The following CTNNA3 variants were observed in gnomAD, a reference collection of about 807,000 sequenced individuals.
CTNNA3 encodes catenin alpha 3.
In CTNNA3, 76 loss-of-function variants were observed where a neutral mutation model predicts 95.7. The observed-to-expected ratio is 0.79, with a 90% CI of 0.66 to 0.96. The LOEUF (loss-of-function observed/expected upper bound fraction) is 0.96, where lower values mean the gene tolerates loss of function less well. CTNNA3 is among the 40% of genes least tolerant of loss of function. The pLI is 0.00. For missense variants in CTNNA3, 1,191 were observed against 1,089.8 expected (o/e 1.09, Z -1.31); for synonymous variants, 431 against 374.4 (o/e 1.15, Z -1.74).
intron 5 of CTNNA3, among the ~76,000 whole-genome samples, chr10:67,315,922 G>T (rs776277799): frequency 6.6e-5 from 10 of 151,946 alleles, no homozygotes; most frequent in Non-Finnish European, 1.5e-4. Context: ...CTGTTCCTAT[G>T]ACCATCACTA....
At chr10:67,448,888 T>C (rs1180687214) in intron 5 of CTNNA3, among the ~76,000 whole-genome samples, 2 of 148,936 alleles carry the variant, frequency 1.3e-5, no homozygotes, top group East Asian at 3.9e-4. Context: ...TAATAATATT[T>C]ATATATCTAT....
chr10:65,941,559 C>T (rs2077430272), intron 17 of CTNNA3, among the ~76,000 whole-genome samples: 1 of 152,110 alleles, frequency 6.6e-6, no homozygotes, highest in Admixed American at 6.6e-5. Flanking sequence ...ATTCAGTTTG[C>T]TAGAAACAAT....
At chr10:67,070,046 C>T (rs1248319075) in intron 7 of CTNNA3, among the ~76,000 whole-genome samples, 1 of 152,188 alleles carries the variant, frequency 6.6e-6, no homozygotes, top group African/African-American at 2.4e-5. Flanking sequence ...TGCTCTACAT[C>T]GTTGACCAAC....
chr10:67,329,341 A>G (rs1182510773), intron 5 of CTNNA3, among the ~76,000 whole-genome samples: 1 of 152,240 alleles, frequency 6.6e-6, no homozygotes, highest in East Asian at 1.9e-4. Flanking sequence ...ACTGCACTTT[A>G]GCCTGGGTGA....
At chr10:66,018,766 G>T (rs2079143847) in intron 15 of CTNNA3, among the ~76,000 whole-genome samples, 2 of 151,976 alleles carry the variant, frequency 1.3e-5, no homozygotes, top group Admixed American at 6.6e-5. Flanking sequence ...AAACTTGCAA[G>T]ACTTTTTAGT....
chr10:66,033,135 C>CTTT (rs10665142), intron 15 of CTNNA3, among the ~76,000 whole-genome samples: 21,892 of 131,756 alleles, frequency 0.17, 2,242 homozygotes, highest in East Asian at 0.33. Context: ...TTCTTTTTTT[C>CTTT]TTTTTTTTTT....
At chr10:67,218,287 T>C (rs1864480749) in intron 6 of CTNNA3, among the ~76,000 whole-genome samples, 2 of 152,172 alleles carry the variant, frequency 1.3e-5, no homozygotes, top group African/African-American at 4.8e-5. Context: ...TATAATTTTT[T>C]CCAGCTTTAT....
chr10:67,179,623 G>T (rs1862414170), intron 7 of CTNNA3, among the ~76,000 whole-genome samples: 1 of 152,020 alleles, frequency 6.6e-6, no homozygotes, highest in Admixed American at 6.6e-5. Context: ...GAGCCCAGTA[G>T]TTTGACACCA....
At chr10:66,396,200 T>C (rs191088962) in intron 11 of CTNNA3, among the ~76,000 whole-genome samples, 17 of 152,144 alleles carry the variant, frequency 1.1e-4, no homozygotes, top group Admixed American at 7.9e-4. Flanking sequence ...CAAAGATATG[T>C]ATTTATATAC....
chr10:67,658,985 G>T (rs12250535), intron 1 of CTNNA3, among the ~76,000 whole-genome samples: 20,085 of 151,952 alleles, frequency 0.13, 1,435 homozygotes, highest in Non-Finnish European at 0.16. Context: ...TGAGTTTTAT[G>T]AATTCTTTAT....
chr10:66,265,193 T>C (rs1401925447), intron 13 of CTNNA3, among the ~76,000 whole-genome samples: 1 of 152,006 alleles, frequency 6.6e-6, no homozygotes, highest in African/African-American at 2.4e-5. Flanking sequence ...AAACCTATTA[T>C]GGTTACTTGG....
At position 67,353,185 on chromosome 10, in the gene CTNNA3, T is replaced by C. The variant is rs117122943; in HGVS notation, c.580-133315A>G. ...AATGTAGATGATAGGAACTGCTACT[T>C]TGCATAATTATTCTTGAGATTAGGT... On this transcript the variant is annotated intron_variant, in intron 5 of 17. Transcript: ENST00000433211. Among the ~76,000 whole-genome samples, 67 of 152,138 alleles carry C rather than the reference T, an allele frequency of 4.4e-4. 2 individuals are homozygous for C. The East Asian group carries it at 0.011, about 26-fold the overall frequency.
chr10:67,551,173 C>G (rs1471725938), intron 3 of CTNNA3, among the ~76,000 whole-genome samples: 1 of 151,962 alleles, frequency 6.6e-6, no homozygotes, highest in African/African-American at 2.4e-5. Context: ...AGCGGCTGCA[C>G]GTGGAGAGAA....
chr10:66,405,475 T>C (rs1384816712), intron 11 of CTNNA3, among the ~76,000 whole-genome samples: 2 of 152,194 alleles, frequency 1.3e-5, no homozygotes, highest in Admixed American at 6.5e-5. Context: ...AATTTCAGTG[T>C]TTCCTTTTTA....
chr10:66,112,058 G>C (rs1589435208), intron 13 of CTNNA3, among the ~76,000 whole-genome samples: 2 of 152,146 alleles, frequency 1.3e-5, no homozygotes, highest in African/African-American at 2.4e-5. Context: ...TCAACACTGA[G>C]AGATCTCAAC....
At chr10:66,433,271 T>C (rs1564958140) in intron 11 of CTNNA3, among the ~76,000 whole-genome samples, 1 of 152,214 alleles carries the variant, frequency 6.6e-6, no homozygotes, top group Admixed American at 6.5e-5. Flanking sequence ...ACCAACAGTA[T>C]AAAAGTGTTC....
At chr10:66,306,462 T>C (rs1325404797) in intron 12 of CTNNA3, among the ~76,000 whole-genome samples, 1 of 152,176 alleles carries the variant, frequency 6.6e-6, no homozygotes, top group African/African-American at 2.4e-5. Flanking sequence ...CTTTATGCTA[T>C]AGCACAGAAG....
intron 17 of CTNNA3, among the ~76,000 whole-genome samples, chr10:65,942,289 G>A (rs2077442003): frequency 6.6e-6 from 1 of 152,192 alleles, no homozygotes; most frequent in South Asian, 2.1e-4. Context: ...AAGCATCCAG[G>A]AGGCTGAGAT....
intron 5 of CTNNA3, among the ~76,000 whole-genome samples, chr10:67,236,982 A>G (rs1865493136): frequency 6.6e-6 from 1 of 151,398 alleles, no homozygotes; most frequent in African/African-American, 2.4e-5. Flanking sequence ...ACTACTAGGT[A>G]TCTACCCCAG....
Sources: gnomAD v4.1 joint callset for allele counts (sites outside exome capture counted in the v4.1 genomes callset) on GRCh38, gnomAD v4.1.1 for gene constraint, MANE v1.5 for transcripts, NCBI Gene and HGNC (gene_info 2026-07-23, HGNC 2026-07-21) for gene names.